The following CHD2 variants were observed in gnomAD, a reference collection of about 807,000 sequenced individuals.
The protein encoded by CHD2 is chromodomain helicase DNA binding protein 2.
A neutral mutation model predicts 243.9 loss-of-function variants in CHD2; 28 were observed. That is an observed-to-expected ratio of 0.11 (90% CI 0.09 to 0.16). The LOEUF (loss-of-function observed/expected upper bound fraction) is 0.16. CHD2 is among the 10% of genes least tolerant of loss of function. The pLI, the probability that CHD2 is intolerant of heterozygous loss-of-function variation, is 1.00. For missense variants in CHD2, 1,386 were observed against 2,209.8 expected (o/e 0.63, Z 7.47); for synonymous variants, 775 against 779.0 (o/e 0.99, Z 0.09).
At chr15:92,944,032 T>C (rs2053423238) in intron 9 of CHD2, 1 of 152,832 alleles carries the variant, frequency 6.5e-6, no homozygotes, top group African/African-American at 2.4e-5. Context: ...CCAAGTCATG[T>C]TTAATCAATC....
In CHD2 at chr15:92,924,557, C is replaced by T. The variant is rs777934535; in HGVS notation, c.294+5C>T. The T allele has an allele frequency of 1.7e-5, 27 of 1,612,314 alleles. No individual in the cohort carries two copies. The Admixed American group carries it at 4.5e-4, about 27-fold the overall frequency. On this transcript the variant is annotated splice_donor_5th_base_variant and intron_variant, in intron 3 of 38. Transcript: ENST00000394196. ...CGGATAGCTGATGTGAAGAAGGTAT[C>T]TACTTTGCCCTGCAGTACAAATGTG... is the stretch of plus-strand genomic sequence containing the variant.
intron 2 of CHD2, among the ~76,000 whole-genome samples, chr15:92,903,782 CAATTTATCTTAAG>C (rs1489540088): frequency 6.6e-6 from 1 of 152,192 alleles, no homozygotes; most frequent in Admixed American, 6.5e-5. Flanking sequence ...ACCACGTTAG[CAATTTATCTTAAG>C]AATTGAACGA....
chr15:92,956,783 A>G (rs1006472184), intron 16 of CHD2, 134 bp downstream of exon 16: 1 of 749,716 alleles, frequency 1.3e-6, no homozygotes. Context: ...GGAGGCAGGG[A>G]TGGCGGTAGT....
At chr15:92,929,248 A>G (rs1356191242) in intron 5 of CHD2, among the ~76,000 whole-genome samples, 157 bp downstream of exon 5, 2 of 152,130 alleles carry the variant, frequency 1.3e-5, no homozygotes, top group African/African-American at 4.8e-5. Context: ...GACCTGTTGC[A>G]ATAGCAGCAG....
chr15:93,005,229 A>G (rs1316168436), intron 34 of CHD2, among the ~76,000 whole-genome samples: 3 of 152,008 alleles, frequency 2.0e-5, no homozygotes, highest in Admixed American at 6.6e-5. Flanking sequence ...ATCCTGTGAG[A>G]AGGGAATTTG....
At chr15:92,906,937 C>T (rs1264395198) in intron 2 of CHD2, among the ~76,000 whole-genome samples, 1 of 152,098 alleles carries the variant, frequency 6.6e-6, no homozygotes, top group Non-Finnish European at 1.5e-5. Flanking sequence ...AGCTGCCATT[C>T]ACAACTTGTT....
rs767314200 is a variant in CHD2, at chr15:92,942,963, A to G, written c.947A>G (p.Tyr316Cys). The G allele has an allele frequency of 1.9e-6, 3 of 1,614,024 alleles. No homozygotes were observed. Among genetic ancestry groups the G allele is most frequent in the Admixed American group, 3.3e-5 (2 of 60,004 alleles). The change falls in exon 9 of 39, where the codon TAC becomes TGC. Residue 316 changes from tyrosine to cysteine, a missense_variant. Transcript: ENST00000394196. ...QYLIKWKGWSYIHSTWESEES... is the reference protein window; with the variant it reads ...QYLIKWKGWSCIHSTWESEES... The stretch of plus-strand genomic sequence containing the variant: ...CTCATCAAGTGGAAGGGTTGGTCTT[A>G]CATCCACAGCACATGGGAGAGTGAA...
chr15:93,020,333 A>G (rs2054518413), intron 38 of CHD2, 75 bp downstream of exon 38: 2 of 1,555,478 alleles, frequency 1.3e-6, no homozygotes, highest in African/African-American at 1.4e-5. Flanking sequence ...TGACGTATAC[A>G]TGAATGTATT....
In CHD2 at chr15:92,967,415, T is replaced by A. The variant is rs770949083; in HGVS notation, c.2091T>A (p.Leu697=). The change falls in exon 17 of 39, where the codon CTT becomes CTA. Residue 697 remains leucine, a synonymous_variant. Transcript: ENST00000394196. Reference sequence around the variant, plus strand: ...TTCATAAGGTGCTAGAGCCTTTCCTTCTCCGGAGAGTCAAAAAAGATGTGG... The same window carrying A: ...TTCATAAGGTGCTAGAGCCTTTCCTACTCCGGAGAGTCAAAAAAGATGTGG... ...QSLHKVLEPF[L]LRRVKKDVEK... The A allele has an allele frequency of 5.0e-6, 8 of 1,613,854 alleles. No homozygotes were observed. The Admixed American group carries it at 1.2e-4, about 24-fold the overall frequency.
chr15:92,988,794 T>C (rs1284310993), intron 26 of CHD2, among the ~76,000 whole-genome samples: 1 of 152,154 alleles, frequency 6.6e-6, no homozygotes, highest in African/African-American at 2.4e-5. Context: ...TTTTCAACTC[T>C]AGAATTTCTA....
chr15:92,904,587 C>A (rs2052585284), intron 2 of CHD2: 3 of 1,042,488 alleles, frequency 2.9e-6, no homozygotes, highest in Non-Finnish European at 3.5e-6. Flanking sequence ...TTGCCTGTAG[C>A]GGTCCGCACC....
rs373051961 is a variant in CHD2, at chr15:92,937,532, A to G, written c.458A>G (p.Gln153Arg). Residue 153 changes from glutamine (Q) to arginine (R), a missense_variant, in exon 6 of 39, where the codon CAG becomes CGG. Gln to Arg is a conservative substitution (Grantham distance 43). Around this residue, in one of 19 missense-constraint regions of CHD2, gnomAD observed 90 missense variants for 78.0 expected, o/e 1.15. Coordinates refer to ENST00000394196, the MANE Select transcript of CHD2 (RefSeq NM_001271.4). ...TTTGATCACAGAGAAAAATGGAAAC[A>G]GGAACCCTCAGAAGATGAACAGGAA... ...RQLKKQEKWKQEPSEDEQEQG... is the reference protein window; with the variant it reads ...RQLKKQEKWKREPSEDEQEQG... 16 of 1,608,450 alleles carry G rather than the reference A, an allele frequency of 9.9e-6. No individual in the cohort carries two copies. The African/African-American group carries it at 1.3e-4, about 13-fold the overall frequency.
chr15:93,003,531 G>C (rs1202079546), intron 33 of CHD2, among the ~76,000 whole-genome samples: 1 of 149,314 alleles, frequency 6.7e-6, no homozygotes, highest in Non-Finnish European at 1.5e-5. Context: ...CCACTCTCCA[G>C]ATACCACAAC....
At chr15:92,964,596 T>C (rs1239175612) in intron 16 of CHD2, among the ~76,000 whole-genome samples, 1 of 152,246 alleles carries the variant, frequency 6.6e-6, no homozygotes, top group Non-Finnish European at 1.5e-5. Context: ...TTTAACCAAC[T>C]GAAATTCTGT....
intron 19 of CHD2, 98 bp from the exon 20 acceptor site, chr15:92,974,781 A>G (rs951491424): frequency 1.9e-6 from 2 of 1,052,416 alleles, no homozygotes; most frequent in Admixed American, 1.9e-5. Flanking sequence ...ATTTTTACTC[A>G]GTGGGTGTTC....
At chr15:93,005,908 T>C (rs928293789) in intron 34 of CHD2, among the ~76,000 whole-genome samples, 5 of 152,188 alleles carry the variant, frequency 3.3e-5, no homozygotes, top group Non-Finnish European at 7.3e-5. Flanking sequence ...TATGGTACCA[T>C]GATATTTAAA....
Position 92,900,782 on chromosome 15 carries a change from C to T in CHD2, c.-114C>T. 2.5e-6 allele frequency: 1 copy of T among 395,202 alleles called. No homozygotes were observed. The highest frequency in any genetic ancestry group is 4.4e-6 in the Non-Finnish European group (1 of 224,852). The allele number at this position is 395,202 out of a possible 1,614,324, so 24.5% of individuals were successfully genotyped here. ...TTATTTGGGATCTGATATTTTTCTA[C>T]TAGTAGATAGGACTCTTGGTTTGGA... On this transcript the variant is annotated 5_prime_UTR_variant, in exon 1 of 39. Coordinates refer to ENST00000394196, the MANE Select transcript of CHD2 (RefSeq NM_001271.4).
Position 92,955,793 on chromosome 15 carries a change from C to G in CHD2, c.1809+281C>G, listed in dbSNP as rs528226847. ...ATGAGGGGACCTTAGGTCACCAAGTCCAGTTGAATTAAACAGAATGAAAGG... is the reference window on the plus strand; with the variant it reads ...ATGAGGGGACCTTAGGTCACCAAGTGCAGTTGAATTAAACAGAATGAAAGG... On this transcript the variant is annotated intron_variant, in intron 15 of 38. Coordinates refer to ENST00000394196, the MANE Select transcript of CHD2 (RefSeq NM_001271.4). Among the ~76,000 whole-genome samples, 5 of 152,210 alleles carry G rather than the reference C, an allele frequency of 3.3e-5. No individual in the cohort carries two copies. In the East Asian group the frequency reaches 5.8e-4, roughly 18 times the overall value.
chr15:93,015,101 C>G (rs2054441926), intron 37 of CHD2, among the ~76,000 whole-genome samples, 192 bp downstream of exon 37: 1 of 151,978 alleles, frequency 6.6e-6, no homozygotes, highest in African/African-American at 2.4e-5. Flanking sequence ...TTGTTTGAGA[C>G]TGAGTCTTGC....
Sources: allele counts gnomAD v4.1 joint callset (sites outside exome capture counted in the v4.1 genomes callset), GRCh38; gene constraint gnomAD v4.1.1; regional missense constraint gnomAD v4.1.1; transcripts MANE v1.5; gene names NCBI Gene and HGNC (gene_info 2026-07-23, HGNC 2026-07-21).